The following HEG1 variants were observed in gnomAD, a reference collection of about 807,000 sequenced individuals.
HEG1 encodes the protein protein HEG homolog 1.
A neutral mutation model predicts 125.6 loss-of-function variants in HEG1; 56 were observed. The ratio of observed to expected loss-of-function variants is 0.45; its 90% CI spans 0.36 to 0.56. HEG1 has a LOEUF of 0.56. Among genes scored for constraint, HEG1 ranks in the 20% least tolerant of loss-of-function variants. The pLI is 0.00. For missense variants in HEG1, 1,523 were observed against 1,670.0 expected (o/e 0.91, Z 1.53); for synonymous variants, 644 against 668.5 (o/e 0.96, Z 0.57).
intron 15 of HEG1, among the ~76,000 whole-genome samples, 181 bp from the exon 16 acceptor site, chr3:124,974,086 G>A (rs1936493129): frequency 6.6e-6 from 1 of 152,104 alleles, no homozygotes; most frequent in Non-Finnish European, 1.5e-5. Flanking sequence ...AAGTAAATAT[G>A]CAGTTAGGTG....
chr3:124,970,679 A>G lies in HEG1; in HGVS notation c.4119T>C (p.Asp1373=), dbSNP rs1936408491. 19 of 1,605,424 alleles carry G rather than the reference A, an allele frequency of 1.2e-5. No individual in the cohort carries two copies. In the East Asian group the frequency reaches 4.0e-4, roughly 34 times the overall value. The change falls in exon 17 of 17, where the codon GAT becomes GAC. Residue 1373 remains aspartate (D), a synonymous_variant. Transcript: ENST00000311127. ...PGQYNPSFIS[D]ESRRRDYF ...AAAAGTAGTCTCTTCTTCTGCTTTC[A>G]TCACTGATGAAAGACGGGTTATACT...
intron 1 of HEG1, among the ~76,000 whole-genome samples, chr3:125,031,568 C>A (rs1486071526): frequency 2.6e-5 from 4 of 152,076 alleles, no homozygotes; most frequent in Non-Finnish European, 4.4e-5. Context: ...AATGGAATCA[C>A]TTCGATTTAT....
chr3:124,982,941 G>A (rs1936678387), intron 14 of HEG1, among the ~76,000 whole-genome samples: 2 of 151,946 alleles, frequency 1.3e-5, no homozygotes, highest in Admixed American at 6.5e-5. Context: ...AGAGCTGTTT[G>A]GTGACCCTAT....
In HEG1 at chr3:125,019,334, T is replaced by C; in HGVS notation, c.1516A>G (p.Ser506Gly). The C allele has an allele frequency of 6.2e-7, 1 of 1,613,970 alleles. No individual in the cohort carries two copies. Among genetic ancestry groups the C allele is most frequent in the Non-Finnish European group, 8.5e-7 (1 of 1,179,844 alleles). Reference sequence around the variant, plus strand: ...GATGTAGATGAAGACTCTGAATAACTCCTATCTCCCAATGCTGTGTGACTT... The same window carrying C: ...GATGTAGATGAAGACTCTGAATAACCCCTATCTCCCAATGCTGTGTGACTT... ...GGSHTALGDR[S>G]YSESSSTSSS... The change falls in exon 5 of 17, where the codon AGT (serine) becomes GGT (glycine). Residue 506 changes from serine (S) to glycine (G), a missense_variant. Ser to Gly is a moderately conservative substitution (Grantham distance 56). Transcript: ENST00000311127.
chr3:124,998,886 T>C (rs1020711860), intron 11 of HEG1, among the ~76,000 whole-genome samples: 2 of 152,088 alleles, frequency 1.3e-5, no homozygotes, highest in African/African-American at 4.8e-5. Flanking sequence ...CAAGCTCAAG[T>C]TCAGAATGGG....
rs1936412569 is a variant in HEG1, at chr3:124,970,936, A to G, written c.3997-135T>C. On this transcript the variant is annotated intron_variant, in intron 16 of 16. Transcript: ENST00000311127. Reference sequence around the variant, plus strand: ...CCTGTATGATGTGGTTCTACCAATTATTTCTAATTTTTTTAAAGTATCTTT... The same window carrying G: ...CCTGTATGATGTGGTTCTACCAATTGTTTCTAATTTTTTTAAAGTATCTTT... 7 of 765,326 alleles carry G rather than the reference A, an allele frequency of 9.1e-6. No homozygotes were observed. The East Asian group carries it at 1.9e-4, about 21-fold the overall frequency. 47.4% of individuals were successfully genotyped at this position (765,326 alleles called of 1,614,324 possible).
intron 1 of HEG1, among the ~76,000 whole-genome samples, chr3:125,032,868 C>T (rs193097283): frequency 6.6e-6 from 1 of 152,022 alleles, no homozygotes; most frequent in Non-Finnish European, 1.5e-5. Context: ...TGTGGCGGGG[C>T]CTTTGAGGAA....
intron 8 of HEG1, among the ~76,000 whole-genome samples, chr3:125,007,690 C>A (rs1000888673): frequency 6.6e-6 from 1 of 152,138 alleles, no homozygotes; most frequent in Non-Finnish European, 1.5e-5. Context: ...TCTGATTTTA[C>A]AGATGAGGAA....
chr3:124,984,575 A>G (rs62267134), intron 14 of HEG1, among the ~76,000 whole-genome samples: 1 of 152,136 alleles, frequency 6.6e-6, no homozygotes, highest in Non-Finnish European at 1.5e-5. Flanking sequence ...CCTGGCCAAC[A>G]TGATGAAAAC....
chr3:125,009,150 TAC>T (rs2107699061), intron 8 of HEG1, among the ~76,000 whole-genome samples: 1 of 152,374 alleles, frequency 6.6e-6, no homozygotes, highest in South Asian at 2.1e-4. Context: ...AATTGTGTGA[TAC>T]AGTTAGGACA....
chr3:125,039,835 C>CAAAAAAAAAAAAAAAAA (rs71996831), intron 1 of HEG1, among the ~76,000 whole-genome samples: 1 of 132,400 alleles, frequency 7.6e-6, no homozygotes, highest in Non-Finnish European at 1.6e-5. Context: ...AGAACAGAGC[C>CAAAAAAAAAAAAAAAAA]AAAAAAAAAA....
At chr3:124,990,276 A>G (rs1294721920) in intron 14 of HEG1, among the ~76,000 whole-genome samples, 3 of 150,958 alleles carry the variant, frequency 2.0e-5, no homozygotes, top group African/African-American at 7.3e-5. Flanking sequence ...CCCAGCCCAG[A>G]CCTTGAGCCC....
rs761876956 is a variant in HEG1 at position 125,020,783 on chromosome 3, A to T, written c.1252+9T>A. ...TCCCTAATAGATCAAGTAAAGATGG[A>T]ATACTTACTTGGGGAATCATTTTGC... On this transcript the variant is annotated intron_variant, in intron 4 of 16. Transcript: ENST00000311127. 1 of 1,600,546 alleles carries T rather than the reference A, an allele frequency of 6.2e-7. No individual in the cohort carries two copies. The highest frequency in any genetic ancestry group is 8.5e-7 in the Non-Finnish European group (1 of 1,169,930).
At chr3:125,042,217 T>C (rs1255418165) in intron 1 of HEG1, among the ~76,000 whole-genome samples, 1 of 152,128 alleles carries the variant, frequency 6.6e-6, no homozygotes, top group Non-Finnish European at 1.5e-5. Context: ...CACTTGAGGT[T>C]AGGAGTTCGA....
chr3:124,980,469 T>A (rs920605767), intron 14 of HEG1, among the ~76,000 whole-genome samples: 1 of 152,232 alleles, frequency 6.6e-6, no homozygotes, highest in Non-Finnish European at 1.5e-5. Context: ...GAGACACAGA[T>A]GGTGTACACC....
chr3:125,008,118 C>T (rs1391993981), intron 8 of HEG1, among the ~76,000 whole-genome samples: 1 of 152,104 alleles, frequency 6.6e-6, no homozygotes, highest in Non-Finnish European at 1.5e-5. Context: ...CCATGTGGAC[C>T]AGGCTGGTCT....
chr3:124,994,206 A>G (rs1169911148), intron 12 of HEG1, among the ~76,000 whole-genome samples: 1 of 152,190 alleles, frequency 6.6e-6, no homozygotes, highest in East Asian at 1.9e-4. Flanking sequence ...GCAGTTCACA[A>G]CAGGGTCCAC....
chr3:124,993,189 G>A (rs1295668032), intron 12 of HEG1, among the ~76,000 whole-genome samples: 1 of 152,178 alleles, frequency 6.6e-6, no homozygotes, highest in Non-Finnish European at 1.5e-5. Context: ...TTTAGCAAGC[G>A]TGCAGGACCC....
chr3:125,024,938 G>A (rs1217997063), intron 3 of HEG1, among the ~76,000 whole-genome samples: 26 of 152,246 alleles, frequency 1.7e-4, no homozygotes, highest in Non-Finnish European at 1.5e-5. Context: ...TCGGACTGGT[G>A]TAAGCGCCAG....
Sources: allele counts gnomAD v4.1 joint callset (sites outside exome capture counted in the v4.1 genomes callset), GRCh38; gene constraint gnomAD v4.1.1; transcripts MANE v1.5; gene names NCBI Gene and HGNC (gene_info 2026-07-23, HGNC 2026-07-21).